Variants in WWP2 observed in about 807,000 individuals in gnomAD.
WWP2 encodes the protein WW domain containing E3 ubiquitin protein ligase 2, also known as NEDD4-like E3 ubiquitin-protein ligase WWP2.
Under a neutral mutation model 121.0 loss-of-function variants are expected in WWP2, and 57 were observed. That is an observed-to-expected ratio of 0.47 (90% CI 0.38 to 0.59). The LOEUF (loss-of-function observed/expected upper bound fraction) is 0.59. Ranked by LOEUF, WWP2 falls within the 20% of genes least tolerant of loss-of-function variation. The probability of loss-of-function intolerance (pLI) is 0.00; values close to 1 mark genes in which losing one functional copy is unlikely to be tolerated. For missense variants in WWP2, 962 were observed against 1,158.9 expected (o/e 0.83, Z 2.47); for synonymous variants, 449 against 441.3 (o/e 1.02, Z -0.22).
chr16:69,793,453 A>G (rs1463788636), intron 2 of WWP2, among the ~76,000 whole-genome samples: 1 of 152,186 alleles, frequency 6.6e-6, no homozygotes, highest in African/African-American at 2.4e-5. Flanking sequence ...AGACAGAGTT[A>G]TCACTCAGAT....
chr16:69,887,697 C>T (rs1272445513), intron 7 of WWP2, among the ~76,000 whole-genome samples: 4 of 152,160 alleles, frequency 2.6e-5, no homozygotes, highest in Admixed American at 1.3e-4. Flanking sequence ...TGAGCCACTG[C>T]GCCTGGCCCC....
Position 69,940,015 on chromosome 16 carries a change from C to CG in WWP2, c.*76dup. ...TCCCTGCCTGAGAGGCCACTGGCCC[C>CG]GCAGCCCTTGGGAGGCCCCCGTGGA... On this transcript the variant is annotated 3_prime_UTR_variant, in exon 24 of 24. Coordinates refer to ENST00000359154, the MANE Select transcript of WWP2 (RefSeq NM_001270454.2). 1 of 1,303,316 alleles carries CG rather than the reference C, an allele frequency of 7.7e-7. No individual in the cohort carries two copies. The highest frequency in any genetic ancestry group is 1.1e-6 in the Non-Finnish European group (1 of 933,776). The allele number at this position is 1,303,316 out of a possible 1,614,324, so 80.7% of individuals were successfully genotyped here. A position where few individuals can be genotyped will look rare whatever the true frequency, so the allele number is the denominator to read the frequency against.
intron 4 of WWP2, among the ~76,000 whole-genome samples, chr16:69,830,641 C>T (rs770548975): frequency 2.0e-5 from 3 of 152,026 alleles, no homozygotes; most frequent in Non-Finnish European, 2.9e-5. Context: ...TGGGGGGCCG[C>T]GGGGAGGTGG....
At chr16:69,936,997 G>A in intron 19 of WWP2, 121 bp from the exon 20 acceptor site, 2 of 1,361,398 alleles carry the variant, frequency 1.5e-6, no homozygotes, top group South Asian at 1.5e-5. Flanking sequence ...CTGGGTCTGG[G>A]TGTGCGAAGT....
At chr16:69,929,311 T>C (rs1325150885) in intron 11 of WWP2, 137 bp from the exon 12 acceptor site, 1 of 734,034 alleles carries the variant, frequency 1.4e-6, no homozygotes, top group African/African-American at 1.8e-5. Context: ...GAGCTTGGCT[T>C]TGGCTGGTTC....
intron 8 of WWP2, among the ~76,000 whole-genome samples, chr16:69,894,205 A>G (rs1723930579): frequency 6.6e-6 from 1 of 150,744 alleles, no homozygotes; most frequent in African/African-American, 2.4e-5. Flanking sequence ...CCTCCCGAGT[A>G]GCTGGGACTA....
At chr16:69,929,614 C>G in intron 12 of WWP2, 85 bp downstream of exon 12, 1 of 1,206,174 alleles carries the variant, frequency 8.3e-7, no homozygotes, top group Admixed American at 1.9e-5. Context: ...TGGACTGCAT[C>G]GTCCCAGAGG....
At chr16:69,768,252 C>T (rs943803727) in intron 1 of WWP2, among the ~76,000 whole-genome samples, 9 of 152,128 alleles carry the variant, frequency 5.9e-5, no homozygotes, top group African/African-American at 1.9e-4. Flanking sequence ...CCCTGTTTTT[C>T]ACCCCACCGC....
In WWP2 at chr16:69,925,229, T is replaced by C; in HGVS notation, c.1180-201T>C. 2 of 1,439,706 alleles carry C rather than the reference T, an allele frequency of 1.4e-6. No individual in the cohort carries two copies. Among genetic ancestry groups the C allele is most frequent in the East Asian group, 2.4e-5 (1 of 41,338 alleles). The allele number at this position is 1,439,706 out of a possible 1,614,324, so 89.2% of individuals were successfully genotyped here. On this transcript the variant is annotated intron_variant, in intron 10 of 23. Coordinates refer to ENST00000359154, the MANE Select transcript of WWP2 (RefSeq NM_001270454.2). The surrounding 1 kb of genome is among the most constrained non-coding windows in gnomAD (Gnocchi z 4.0). The stretch of plus-strand genomic sequence containing the variant: ...TGGGCCCTCCGTGCGCAGGGTTCTT[T>C]TTTGGTTTTTCTGTAAAAATCAAAA...
In WWP2 at chr16:69,925,365, T is replaced by C. The variant is rs76531346; in HGVS notation, c.1180-65T>C. 1 of 1,588,664 alleles carries C rather than the reference T, an allele frequency of 6.3e-7. No individual in the cohort carries two copies. The highest frequency in any genetic ancestry group is 1.1e-5 in the South Asian group (1 of 88,748). On this transcript the variant is annotated intron_variant, in intron 10 of 23. Coordinates refer to ENST00000359154, the MANE Select transcript of WWP2 (RefSeq NM_001270454.2). This position sits in a 1 kb window ranked among gnomAD's most constrained non-coding sequence, Gnocchi z 4.0. ...CATTGGCATTTTTATTTTTTATTGA[T>C]TGATTGATTTTTTCACCAGTGGCTT... is the stretch of plus-strand genomic sequence containing the variant.
chr16:69,803,808 T>C lies in WWP2; in HGVS notation c.340+4513T>C, dbSNP rs1180710581. ...CTGTAATCCCAGCTACTCAGGAGTC[T>C]GAGGCCGGGGAGTCACTTGAACCTG... On this transcript the variant is annotated intron_variant, in intron 4 of 23. Coordinates refer to ENST00000359154, the MANE Select transcript of WWP2 (RefSeq NM_001270454.2). Among the ~76,000 whole-genome samples, 6 of 152,256 alleles carry C rather than the reference T, an allele frequency of 3.9e-5. 1 individual carries two copies. The highest frequency in any genetic ancestry group is 3.9e-4 in the Admixed American group (6 of 15,292).
At chr16:69,776,578 C>G (rs1247214601) in intron 1 of WWP2, among the ~76,000 whole-genome samples, 5 of 152,114 alleles carry the variant, frequency 3.3e-5, no homozygotes, top group Admixed American at 3.3e-4. Context: ...GCCTGTAATC[C>G]CAGCACTTTG....
Position 69,940,545 on chromosome 16 carries a change from C to G in WWP2, c.*605C>G, listed in dbSNP as rs3748388. ...GCCGGCCAGTTAATTCATTCTCAGC[C>G]AATGAAGGTTTGTCTAAGCTGCCTG... On this transcript the variant is annotated 3_prime_UTR_variant, in exon 24 of 24. Coordinates refer to ENST00000359154, the MANE Select transcript of WWP2 (RefSeq NM_001270454.2). 6.6e-6 allele frequency: 1 copy of G among 152,444 alleles called. No homozygotes were observed. Among genetic ancestry groups the G allele is most frequent in the African/African-American group, 2.4e-5 (1 of 41,432 alleles). The allele number at this position is 152,444 out of a possible 1,614,324, so 9.4% of individuals were successfully genotyped here. A position where few individuals can be genotyped will look rare whatever the true frequency, so the allele number is the denominator to read the frequency against.
chr16:69,872,076 G>T lies in WWP2; in HGVS notation c.703+145G>T, dbSNP rs1041225913. The T allele has an allele frequency of 3.9e-6, 5 of 1,274,378 alleles. No homozygotes were observed. The African/African-American group carries it at 7.5e-5, about 19-fold the overall frequency. The allele number at this position is 1,274,378 out of a possible 1,614,324, so 78.9% of individuals were successfully genotyped here. A position where few individuals can be genotyped will look rare whatever the true frequency, so the allele number is the denominator to read the frequency against. ...GACTAAACTGGATTTGAATCCATCA[G>T]TCTTTCTACTGACCCATCTTCTTCT... On this transcript the variant is annotated intron_variant, in intron 7 of 23. Transcript: ENST00000359154.
chr16:69,936,481 C>T (rs777195882), intron 19 of WWP2, 29 bp downstream of exon 19: 17 of 1,612,452 alleles, frequency 1.1e-5, no homozygotes, highest in Non-Finnish European at 1.2e-5. Context: ...GGGCTCCGCT[C>T]CAGGGGTGGC....
chr16:69,864,113 C>T (rs2057476004), intron 6 of WWP2, among the ~76,000 whole-genome samples: 1 of 152,166 alleles, frequency 6.6e-6, no homozygotes, highest in Non-Finnish European at 1.5e-5. Flanking sequence ...CCTGTAATCC[C>T]AGCACTTTGT....
At chr16:69,857,531 A>G (rs1567384196) in intron 6 of WWP2, among the ~76,000 whole-genome samples, 1 of 151,914 alleles carries the variant, frequency 6.6e-6, no homozygotes, top group East Asian at 1.9e-4. Context: ...GCAAGAGCTC[A>G]TTGACTGGCT....
rs1323632800 is a variant in WWP2 at position 69,940,221 on chromosome 16, C to G, written c.*281C>G. 4.3e-6 allele frequency: 2 copies of G among 465,998 alleles called. No homozygotes were observed. The highest frequency in any genetic ancestry group is 7.7e-6 in the Non-Finnish European group (2 of 260,804). The allele number at this position is 465,998 out of a possible 1,614,324, so 28.9% of individuals were successfully genotyped here. A position where few individuals can be genotyped will look rare whatever the true frequency, so the allele number is the denominator to read the frequency against. On this transcript the variant is annotated 3_prime_UTR_variant, in exon 24 of 24. Coordinates refer to ENST00000359154, the MANE Select transcript of WWP2 (RefSeq NM_001270454.2). The stretch of plus-strand genomic sequence containing the variant: ...CCTCTCTGCAAAACTCTCCCCTGTC[C>G]TCTAGACCCCACCCTGGGTGTATGT...
chr16:69,812,863 A>G (rs1259294053), intron 4 of WWP2, among the ~76,000 whole-genome samples: 2 of 152,060 alleles, frequency 1.3e-5, no homozygotes, highest in Non-Finnish European at 1.5e-5. Context: ...CTGCAAAATT[A>G]CTGTTTCCCC....
Sources: gnomAD v4.1 joint callset for allele counts (sites outside exome capture counted in the v4.1 genomes callset) on GRCh38, gnomAD v4.1.1 for gene constraint, Gnocchi (gnomAD v3.1) non-coding constraint, MANE v1.5 for transcripts, NCBI Gene and HGNC (gene_info 2026-07-23, HGNC 2026-07-21) for gene names.